SLC25A40: variants seen among roughly 807,000 people sequenced by gnomAD.
SLC25A40 encodes solute carrier family 25 member 40.
In SLC25A40, 41 loss-of-function variants were observed where a neutral mutation model predicts 46.5. That is an observed-to-expected ratio of 0.88 (90% CI 0.69 to 1.14). The LOEUF (loss-of-function observed/expected upper bound fraction) is 1.14. SLC25A40 is among the 50% of genes most tolerant of loss of function. The probability of loss-of-function intolerance (pLI) is 0.00; values close to 1 mark genes in which losing one functional copy is unlikely to be tolerated. For synonymous variants in SLC25A40, 126 were observed against 127.5 expected (o/e 0.99, Z 0.08); for missense variants, 386 against 393.6 (o/e 0.98, Z 0.16).
intron 5 of SLC25A40, among the ~76,000 whole-genome samples, 184 bp from the exon 6 acceptor site, chr7:87,850,132 T>G (rs1007461505): frequency 5.3e-5 from 8 of 152,182 alleles, no homozygotes; most frequent in Admixed American, 3.3e-4. Flanking sequence ...ATGAAGCATT[T>G]CTGGATGATA....
At chr7:87,867,893 A>G (rs1273614430) in intron 1 of SLC25A40, among the ~76,000 whole-genome samples, 2 of 152,272 alleles carry the variant, frequency 1.3e-5, no homozygotes, top group Non-Finnish European at 2.9e-5. Flanking sequence ...CAGAGAATGT[A>G]TCACAGCAGT....
intron 1 of SLC25A40, among the ~76,000 whole-genome samples, chr7:87,869,263 T>C (rs1481337051): frequency 2.0e-5 from 3 of 152,136 alleles, no homozygotes; most frequent in African/African-American, 7.2e-5. Context: ...TGGTGGCTCA[T>C]GCCTGTATTC....
Position 87,835,198 on chromosome 7 carries a change from A to T in SLC25A40, c.*1051T>A, listed in dbSNP as rs1468091149. 3 of 151,786 alleles carry T rather than the reference A, an allele frequency of 2.0e-5. No homozygotes were observed. In the East Asian group the frequency reaches 5.8e-4, roughly 29 times the overall value. The allele number at this position is 151,786 out of a possible 1,614,324, so 9.4% of individuals were successfully genotyped here. Reference sequence around the variant, plus strand: ...ATCCTTTCTTATCTCATTCCTACATAGAATGAATGATAAGCTAAATTATTT... The same window carrying T: ...ATCCTTTCTTATCTCATTCCTACATTGAATGAATGATAAGCTAAATTATTT... On this transcript the variant is annotated 3_prime_UTR_variant, in exon 12 of 12. Transcript: ENST00000341119.
chr7:87,860,397 A>C (rs1355857071), intron 2 of SLC25A40, among the ~76,000 whole-genome samples, 175 bp downstream of exon 2: 1 of 152,186 alleles, frequency 6.6e-6, no homozygotes, highest in Non-Finnish European at 1.5e-5. Context: ...CCTTCACCAT[A>C]AATACATCAG....
chr7:87,858,883 G>A (rs577571244), intron 2 of SLC25A40, 132 bp from the exon 3 acceptor site: 18 of 610,950 alleles, frequency 2.9e-5, no homozygotes, highest in African/African-American at 2.6e-4. Context: ...AACAGATACT[G>A]ACAGAATGAA....
At chr7:87,872,454 A>G (rs1311259616) in intron 1 of SLC25A40, among the ~76,000 whole-genome samples, 1 of 152,216 alleles carries the variant, frequency 6.6e-6, no homozygotes, top group African/African-American at 2.4e-5. Context: ...GCAAAAGAAT[A>G]AAAAATAAAT....
intron 5 of SLC25A40, among the ~76,000 whole-genome samples, chr7:87,851,226 C>T (rs1838503518): frequency 6.6e-6 from 1 of 152,128 alleles, no homozygotes; most frequent in South Asian, 2.1e-4. Flanking sequence ...AATATATTCA[C>T]ATAATATTAC....
intron 1 of SLC25A40, among the ~76,000 whole-genome samples, chr7:87,874,633 G>T (rs1838950170): frequency 6.6e-6 from 1 of 152,192 alleles, no homozygotes; most frequent in African/African-American, 2.4e-5. Context: ...TCACTAGAAT[G>T]ATAGTAATTA....
At chr7:87,856,643 T>C (rs1320071689) in intron 3 of SLC25A40, among the ~76,000 whole-genome samples, 1 of 152,150 alleles carries the variant, frequency 6.6e-6, no homozygotes, top group African/African-American at 2.4e-5. Flanking sequence ...TAAGAAAATA[T>C]GATTTCTAAT....
chr7:87,842,204 ATAGT>A (rs1416508364), intron 9 of SLC25A40: 1 of 157,654 alleles, frequency 6.3e-6, no homozygotes, highest in Non-Finnish European at 1.4e-5. Context: ...GCCTTTTAAA[ATAGT>A]TATGTAAATG....
chr7:87,855,032 C>T (rs1008364898), intron 4 of SLC25A40, among the ~76,000 whole-genome samples: 1 of 150,212 alleles, frequency 6.7e-6, no homozygotes, highest in African/African-American at 2.5e-5. Context: ...TGTGATGGCA[C>T]GTGCCTGTAG....
intron 1 of SLC25A40, among the ~76,000 whole-genome samples, chr7:87,875,754 C>T (rs987824225): frequency 5.9e-5 from 9 of 152,182 alleles, no homozygotes; most frequent in African/African-American, 1.7e-4. Context: ...CGCAAATAGC[C>T]AACTACCCAA....
At chr7:87,864,598 A>G (rs1452065875) in intron 1 of SLC25A40, among the ~76,000 whole-genome samples, 1 of 152,234 alleles carries the variant, frequency 6.6e-6, no homozygotes, top group Admixed American at 6.5e-5. Flanking sequence ...GTCTTTGACT[A>G]GTAGCCTATT....
At chr7:87,871,007 C>A (rs953459153) in intron 1 of SLC25A40, among the ~76,000 whole-genome samples, 1 of 152,162 alleles carries the variant, frequency 6.6e-6, no homozygotes, top group Non-Finnish European at 1.5e-5. Flanking sequence ...TCCTCTGGGG[C>A]TTCAGGGGTC....
chr7:87,872,635 A>G (rs1354957364), intron 1 of SLC25A40, among the ~76,000 whole-genome samples: 1 of 152,212 alleles, frequency 6.6e-6, no homozygotes, highest in East Asian at 1.9e-4. Context: ...AAAGTACTGA[A>G]GAATTTAGCC....
chr7:87,870,959 G>C (rs1404375082), intron 1 of SLC25A40, among the ~76,000 whole-genome samples: 1 of 152,186 alleles, frequency 6.6e-6, no homozygotes, highest in Non-Finnish European at 1.5e-5. Flanking sequence ...CACTTAAGCT[G>C]TCCGTGGATG....
chr7:87,846,336 G>C (rs928561049), intron 8 of SLC25A40, among the ~76,000 whole-genome samples: 2 of 152,130 alleles, frequency 1.3e-5, no homozygotes, highest in Non-Finnish European at 2.9e-5. Context: ...TTTCTCTCTA[G>C]ATAAGTATTT....
intron 1 of SLC25A40, among the ~76,000 whole-genome samples, chr7:87,863,583 TTTTA>T (rs1430419787): frequency 6.6e-6 from 1 of 151,434 alleles, no homozygotes; most frequent in African/African-American, 2.4e-5. Flanking sequence ...ATTTATTTAT[TTTTA>T]TTGATACATA....
intron 1 of SLC25A40, among the ~76,000 whole-genome samples, chr7:87,864,959 T>A (rs752702559): frequency 6.6e-6 from 1 of 150,636 alleles, no homozygotes. Flanking sequence ...ATTTGTTGAT[T>A]TTTTTCTTTT....
Sources: allele counts gnomAD v4.1 joint callset (sites outside exome capture counted in the v4.1 genomes callset), GRCh38; gene constraint gnomAD v4.1.1; transcripts MANE v1.5; gene names NCBI Gene and HGNC (gene_info 2026-07-23, HGNC 2026-07-21).